GC: variants seen among roughly 807,000 people sequenced by gnomAD.
GC encodes the protein vitamin D-binding protein.
Under a neutral mutation model 56.7 loss-of-function variants are expected in GC, and 43 were observed. The ratio of observed to expected loss-of-function variants is 0.76; its 90% CI spans 0.59 to 0.98. The LOEUF is 0.98. Ranked by LOEUF, GC falls within the 50% of genes least tolerant of loss-of-function variation. The probability of loss-of-function intolerance (pLI) is 0.00; values close to 1 mark genes in which losing one functional copy is unlikely to be tolerated. For synonymous variants in GC, 216 were observed against 202.7 expected (o/e 1.07, Z -0.56); for missense variants, 529 against 545.9 (o/e 0.97, Z 0.31).
intron 1 of GC, among the ~76,000 whole-genome samples, chr4:71,776,002 T>A (rs1742496644): frequency 6.6e-6 from 1 of 151,896 alleles, no homozygotes; most frequent in Admixed American, 6.6e-5. Flanking sequence ...GATTGAAAGA[T>A]AAGCATTGGC....
chr4:71,755,695 C>G (rs1257445846), intron 8 of GC, among the ~76,000 whole-genome samples: 1 of 152,132 alleles, frequency 6.6e-6, no homozygotes, highest in Non-Finnish European at 1.5e-5. Flanking sequence ...ATATCTACTT[C>G]AAATGCATAT....
rs369357338 is a variant in GC, at chr4:71,746,537, G to T, written c.1396-332C>A. Among the ~76,000 whole-genome samples the T allele has an allele frequency of 7.9e-5, 12 of 152,084 alleles. No individual in the cohort carries two copies. The East Asian group carries it at 2.1e-3, about 27-fold the overall frequency. ...CCAGGGAAGAATTCTCAGCGGAGCA[G>T]ATGTCTTCTAACTTGAACTCTAAAG... On this transcript the variant is annotated intron_variant, in intron 11 of 12. Coordinates refer to ENST00000273951, the MANE Select transcript of GC (RefSeq NM_000583.4).
chr4:71,791,843 G>T (rs1742975336), intron 1 of GC, among the ~76,000 whole-genome samples: 1 of 152,022 alleles, frequency 6.6e-6, no homozygotes, highest in African/African-American at 2.4e-5. Context: ...AGGCCCCTGT[G>T]TGTGATGCTC....
chr4:71,770,768 A>G (rs1742318517), intron 1 of GC, among the ~76,000 whole-genome samples: 1 of 152,174 alleles, frequency 6.6e-6, no homozygotes, highest in Non-Finnish European at 1.5e-5. Context: ...TGAATGGGGT[A>G]GTAGCTTCAA....
intron 10 of GC, 76 bp downstream of exon 10, chr4:71,754,335 A>G: frequency 1.4e-6 from 1 of 722,310 alleles, no homozygotes; most frequent in Admixed American, 2.7e-5. Context: ...TAAGTGTTCA[A>G]CTATGCTTTC....
At chr4:71,787,996 C>G (rs1394988152), upstream of GC, among the ~76,000 whole-genome samples, 1 of 151,852 alleles carries the variant, frequency 6.6e-6, no homozygotes, top group Non-Finnish European at 1.5e-5. Flanking sequence ...CTCCTCTGTG[C>G]TTTGCTCTCC....
Position 71,763,467 on chromosome 4 carries a change from A to G in GC, c.642T>C (p.Thr214=), listed in dbSNP as rs1578295859. The G allele has an allele frequency of 6.2e-7, 1 of 1,605,116 alleles. No individual in the cohort carries two copies. The highest frequency in any genetic ancestry group is 1.3e-5 in the African/African-American group (1 of 74,838). ...LQLKHLSLLT[T]LSNRVCSQYA... ...ATTGTGAGCAGACTCTATTTGACAG[A>G]GTGGTGAGAAGTGATAAATGTTTAA... is the stretch of plus-strand genomic sequence containing the variant. Residue 214 remains threonine (T), a synonymous_variant, in exon 6 of 13, where the codon ACT becomes ACC. Transcript: ENST00000273951.
chr4:71,757,787 G>C (rs1191850880), intron 7 of GC, among the ~76,000 whole-genome samples: 2 of 152,096 alleles, frequency 1.3e-5, no homozygotes, highest in East Asian at 1.9e-4. Context: ...ATAAGGTCTT[G>C]GAAATCAGAT....
At chr4:71,794,914 T>C (rs1560714974) in intron 1 of GC, among the ~76,000 whole-genome samples, 1 of 152,208 alleles carries the variant, frequency 6.6e-6, no homozygotes, top group Admixed American at 6.5e-5. Context: ...TTTCGTTATT[T>C]ACCCAGTAGT....
intron 1 of GC, among the ~76,000 whole-genome samples, chr4:71,797,453 G>A (rs66917719): frequency 0.14 from 20,591 of 152,294 alleles, 1,716 homozygotes; most frequent in African/African-American, 0.23. Flanking sequence ...AGACTGCTGC[G>A]CTAGCAGTGA....
At chr4:71,800,180 T>G (rs1269848466) in intron 1 of GC, among the ~76,000 whole-genome samples, 1 of 151,998 alleles carries the variant, frequency 6.6e-6, no homozygotes, top group Non-Finnish European at 1.5e-5. Flanking sequence ...CAACCCGCCT[T>G]CTAGGTATTA....
chr4:71,754,004 G>T (rs1741638919), intron 10 of GC, among the ~76,000 whole-genome samples: 1 of 152,140 alleles, frequency 6.6e-6, no homozygotes, highest in African/African-American at 2.4e-5. Flanking sequence ...CACATGACAT[G>T]TTTCCTCCAG....
chr4:71,753,276 A>C (rs561526009), intron 10 of GC, among the ~76,000 whole-genome samples: 2 of 152,236 alleles, frequency 1.3e-5, no homozygotes, highest in South Asian at 4.1e-4. Flanking sequence ...TGGTTTTATG[A>C]CTTTCTTCAG....
chr4:71,763,177 A>C (rs888743067), intron 6 of GC, among the ~76,000 whole-genome samples: 1 of 152,206 alleles, frequency 6.6e-6, no homozygotes, highest in Non-Finnish European at 1.5e-5. Flanking sequence ...TATATGGAAA[A>C]GATTGATTAA....
intron 3 of GC, among the ~76,000 whole-genome samples, chr4:71,766,993 A>G (rs1742177693): frequency 6.6e-6 from 1 of 152,200 alleles, no homozygotes; most frequent in South Asian, 2.1e-4. Context: ...ATGTATTAGC[A>G]AATATATGAA....
At chr4:71,750,610 C>A (rs843005) in intron 11 of GC, among the ~76,000 whole-genome samples, 4 of 152,016 alleles carry the variant, frequency 2.6e-5, no homozygotes, top group Non-Finnish European at 5.9e-5. Flanking sequence ...TCTGGCCGGG[C>A]GCAGTGGCTC....
At chr4:71,782,581 G>T (rs1742717903) in intron 1 of GC, among the ~76,000 whole-genome samples, 1 of 151,786 alleles carries the variant, frequency 6.6e-6, no homozygotes, top group African/African-American at 2.4e-5. Context: ...AATATAGATT[G>T]CAGAATGCTC....
intron 1 of GC, among the ~76,000 whole-genome samples, chr4:71,801,131 A>T (rs1245671754): frequency 6.6e-6 from 1 of 152,200 alleles, no homozygotes; most frequent in Non-Finnish European, 1.5e-5. Flanking sequence ...ACCCAACAAT[A>T]AAAAAGACAA....
chr4:71,763,781 A>G (rs762803862), intron 5 of GC, 23 bp downstream of exon 5: 4 of 1,587,004 alleles, frequency 2.5e-6, no homozygotes, highest in Admixed American at 1.8e-5. Context: ...ACGTAAACAT[A>G]TAATAAGTAA....
Sources: allele counts gnomAD v4.1 joint callset (sites outside exome capture counted in the v4.1 genomes callset), GRCh38; gene constraint gnomAD v4.1.1; transcripts MANE v1.5; gene names NCBI Gene and HGNC (gene_info 2026-07-23, HGNC 2026-07-21).